FNTB: variants seen among roughly 807,000 people sequenced by gnomAD.
The protein encoded by FNTB is farnesyltransferase, CAAX box, subunit beta.
Under a neutral mutation model 59.4 loss-of-function variants are expected in FNTB, and 27 were observed. The ratio of observed to expected loss-of-function variants is 0.45; its 90% CI spans 0.34 to 0.63. FNTB has a LOEUF of 0.63. FNTB is among the 20% of genes least tolerant of loss of function. FNTB has a pLI of 0.02. For missense variants in FNTB, 449 were observed against 559.6 expected (o/e 0.80, Z 1.99); for synonymous variants, 230 against 220.7 (o/e 1.04, Z -0.37).
intron 1 of FNTB, among the ~76,000 whole-genome samples, chr14:65,002,277 G>A (rs903376017): frequency 2.0e-5 from 3 of 152,182 alleles, no homozygotes; most frequent in African/African-American, 7.2e-5. Flanking sequence ...ACCACATTGT[G>A]TCCACAACCA....
rs1259856310 is a variant in FNTB at position 65,031,618 on chromosome 14, A to C, written c.606-992A>C. Reference sequence around the variant, plus strand: ...GGCATGAGCAACTGTGCCCAGCCTAATAATGCTTTTTTAAAAAATAGCCCG... The same window carrying C: ...GGCATGAGCAACTGTGCCCAGCCTACTAATGCTTTTTTAAAAAATAGCCCG... On this transcript the variant is annotated intron_variant, in intron 6 of 11. Transcript: ENST00000246166. This position sits in a 1 kb window ranked among gnomAD's most constrained non-coding sequence, Gnocchi z 4.6. Among the ~76,000 whole-genome samples the C allele has an allele frequency of 1.3e-5, 2 of 152,054 alleles. No individual in the cohort carries two copies. The highest frequency in any genetic ancestry group is 2.9e-5 in the Non-Finnish European group (2 of 67,994).
chr14:65,024,240 G>A (rs1445871273), intron 4 of FNTB, among the ~76,000 whole-genome samples: 3 of 152,186 alleles, frequency 2.0e-5, no homozygotes, highest in East Asian at 3.9e-4. Context: ...TTGGAATCAC[G>A]TGGGGAGTTT....
At chr14:65,010,746 T>C (rs1286280479) in intron 2 of FNTB, among the ~76,000 whole-genome samples, 1 of 152,126 alleles carries the variant, frequency 6.6e-6, no homozygotes, top group East Asian at 1.9e-4. Context: ...TCCTTGTTTT[T>C]TTGTTTGTTT....
Position 65,053,362 on chromosome 14 carries a change from T to C in FNTB, c.1067+13T>C. 4 of 1,408,814 alleles carry C rather than the reference T, an allele frequency of 2.8e-6. No homozygotes were observed. Among genetic ancestry groups the C allele is most frequent in the Non-Finnish European group, 3.7e-6 (4 of 1,072,108 alleles). 87.3% of individuals were successfully genotyped at this position (1,408,814 alleles called of 1,614,324 possible). On this transcript the variant is annotated intron_variant, in intron 10 of 11. Transcript: ENST00000246166. ...ATAAACCTGGCAAGTGAGTGTTTTC[T>C]CTCTGGGGAGGGAAGGGAGAGGGGA...
In FNTB at chr14:65,061,822, G is replaced by A. The variant is rs776493649; in HGVS notation, c.*510G>A. The A allele has an allele frequency of 5.1e-5, 8 of 155,444 alleles. No individual in the cohort carries two copies. The highest frequency in any genetic ancestry group is 1.0e-4 in the Non-Finnish European group (7 of 69,774). The allele number at this position is 155,444 out of a possible 1,614,324, so 9.6% of individuals were successfully genotyped here. On this transcript the variant is annotated 3_prime_UTR_variant, in exon 12 of 12. Transcript: ENST00000246166. ...GCACCAGGAGGTGCCTCTGCCTCTC[G>A]ACTTGCACCCTGGTCATTTGTAAGG...
chr14:65,000,412 T>C (rs1054005777), intron 1 of FNTB, among the ~76,000 whole-genome samples: 3 of 152,166 alleles, frequency 2.0e-5, no homozygotes, highest in African/African-American at 7.2e-5. Flanking sequence ...TTAATGTAAG[T>C]AGAGAGTTTA....
Position 65,027,683 on chromosome 14 carries a change from T to G in FNTB, c.522-15T>G, listed in dbSNP as rs754593069. 9 of 1,614,208 alleles carry G rather than the reference T, an allele frequency of 5.6e-6. No individual in the cohort carries two copies. In the East Asian group the frequency reaches 2.0e-4, roughly 36 times the overall value. On this transcript the variant is annotated splice_polypyrimidine_tract_variant and intron_variant, in intron 5 of 11. Transcript: ENST00000246166. The surrounding 1 kb of genome is among the most constrained non-coding windows in gnomAD (Gnocchi z 5.7). ...ACTGACTGTTGCCTCTCCTACCTCT[T>G]TCCCTGTTTCTCAGAGAGAAGCTTC...
chr14:65,013,725 T>G (rs1470076778), intron 3 of FNTB, among the ~76,000 whole-genome samples: 1 of 152,138 alleles, frequency 6.6e-6, no homozygotes, highest in Non-Finnish European at 1.5e-5. Context: ...TTTTTGTATT[T>G]TTAGTAGAGA....
Position 65,012,438 on chromosome 14 carries a change from C to T in FNTB, c.282+49C>T. ...TTGCTGTCAAATTATCCACCAAATC[C>T]TCCTCCTTTTTCTATTTAAACGTAA... is the stretch of plus-strand genomic sequence containing the variant. On this transcript the variant is annotated intron_variant, in intron 3 of 11. Transcript: ENST00000246166. The surrounding 1 kb of genome is among the most constrained non-coding windows in gnomAD (Gnocchi z 5.0). The T allele has an allele frequency of 1.9e-6, 3 of 1,610,234 alleles. No individual in the cohort carries two copies. The highest frequency in any genetic ancestry group is 4.5e-5 in the East Asian group (2 of 44,800).
chr14:65,015,410 CTTTTT>C lies in FNTB; in HGVS notation c.283-195_283-191del, dbSNP rs888923691. 2.3e-3 allele frequency: 353 copies of C among 155,582 alleles called. 1 individual carries two copies. Among genetic ancestry groups the C allele is most frequent in the Admixed American group, 0.014 (170 of 11,882 alleles). 9.6% of individuals were successfully genotyped at this position (155,582 alleles called of 1,614,324 possible). ...GAACCACCGCGCCCAGCCTTGTTATCTTTTTTTTTTTTTTTTTTTTTTTTAACAGA... is the reference window on the plus strand; with the variant it reads ...GAACCACCGCGCCCAGCCTTGTTATCTTTTTTTTTTTTTTTTTTTAACAGA... On this transcript the variant is annotated intron_variant, in intron 3 of 11. Coordinates refer to ENST00000246166, the MANE Select transcript of FNTB (RefSeq NM_002028.4).
chr14:65,032,747 A>G lies in FNTB; in HGVS notation c.692+51A>G. The G allele has an allele frequency of 1.3e-6, 2 of 1,556,064 alleles. No individual in the cohort carries two copies. Among genetic ancestry groups the G allele is most frequent in the South Asian group, 1.2e-5 (1 of 85,642 alleles). ...GCCTCTTGGAGAGCAGGCGGTCACG[A>G]CACTACTTCAGAAAAATAAAGAAAA... On this transcript the variant is annotated intron_variant, in intron 7 of 11. Coordinates refer to ENST00000246166, the MANE Select transcript of FNTB (RefSeq NM_002028.4). This position sits in a 1 kb window ranked among gnomAD's most constrained non-coding sequence, Gnocchi z 5.0.
Position 65,028,326 on chromosome 14 carries a change from A to G in FNTB, c.605+545A>G, listed in dbSNP as rs929596478. Among the ~76,000 whole-genome samples, 6 of 152,208 alleles carry G rather than the reference A, an allele frequency of 3.9e-5. No homozygotes were observed. The highest frequency in any genetic ancestry group is 2.1e-4 in the South Asian group (1 of 4,828). The stretch of plus-strand genomic sequence containing the variant: ...TAGCTCGAAATTATTATTTTCTTCC[A>G]TAAGTGTCTGATGTACCAAGCAAGT... On this transcript the variant is annotated intron_variant, in intron 6 of 11. Coordinates refer to ENST00000246166, the MANE Select transcript of FNTB (RefSeq NM_002028.4). This position sits in a 1 kb window ranked among gnomAD's most constrained non-coding sequence, Gnocchi z 4.4.
At chr14:64,996,585 C>T (rs1037198976) in intron 1 of FNTB, among the ~76,000 whole-genome samples, 1 of 152,156 alleles carries the variant, frequency 6.6e-6, no homozygotes, top group African/African-American at 2.4e-5. Context: ...ACTTTGAGAA[C>T]ACAGCTTCTG....
chr14:65,048,325 TAA>T (rs59114641), intron 9 of FNTB, among the ~76,000 whole-genome samples: 1 of 145,162 alleles, frequency 6.9e-6, no homozygotes, highest in Non-Finnish European at 1.5e-5. Context: ...ACTGTGCCTT[TAA>T]AAAAAAAAAA....
chr14:65,053,096 A>G (rs1595096630), intron 9 of FNTB, 142 bp from the exon 10 acceptor site: 4 of 511,808 alleles, frequency 7.8e-6, no homozygotes, highest in Non-Finnish European at 1.2e-5. Context: ...GACATGGGGA[A>G]GATAGCAGTT....
intron 9 of FNTB, among the ~76,000 whole-genome samples, chr14:65,052,006 G>T (rs913448601): frequency 6.6e-6 from 1 of 151,702 alleles, no homozygotes; most frequent in Non-Finnish European, 1.5e-5. Context: ...CGTGTTAGCC[G>T]GGATGGTCTC....
chr14:65,002,659 AAGG>A (rs1484412209), intron 1 of FNTB, among the ~76,000 whole-genome samples: 1 of 152,048 alleles, frequency 6.6e-6, no homozygotes, highest in Non-Finnish European at 1.5e-5. Context: ...TGCAGCAGAG[AAGG>A]AGGTTTAGTC....
At chr14:64,987,183 T>A in intron 1 of FNTB, 86 bp downstream of exon 1, 1 of 1,500,492 alleles carries the variant, frequency 6.7e-7, no homozygotes, top group Non-Finnish European at 9.1e-7. Flanking sequence ...GGTGCGGAAC[T>A]CACCGGGGAA....
Position 65,027,587 on chromosome 14 carries a change from A to T in FNTB, c.509A>T (p.Asp170Val). ...ATCATTGGCACCGAGGAGGCCTATG[A>T]CATCATTAACAGGTACAGTGAAAGC... ...LCIIGTEEAY[D>V]IINREKLLQY... The change falls in exon 5 of 12, where the codon GAC becomes GTC. Residue 170 changes from aspartate (D) to valine (V), a missense_variant. Around this residue, in one of 2 missense-constraint regions of FNTB, gnomAD observed 337 missense variants for 479.1 expected, o/e 0.70. Coordinates refer to ENST00000246166, the MANE Select transcript of FNTB (RefSeq NM_002028.4). The surrounding 1 kb of genome is among the most constrained non-coding windows in gnomAD (Gnocchi z 5.7). 6.2e-7 allele frequency: 1 copy of T among 1,614,212 alleles called. No homozygotes were observed. Among genetic ancestry groups the T allele is most frequent in the Non-Finnish European group, 8.5e-7 (1 of 1,180,026 alleles).
Sources: allele counts gnomAD v4.1 joint callset (sites outside exome capture counted in the v4.1 genomes callset), GRCh38; gene constraint gnomAD v4.1.1; regional missense constraint gnomAD v4.1.1; non-coding constraint Gnocchi (gnomAD v3.1); transcripts MANE v1.5; gene names NCBI Gene and HGNC (gene_info 2026-07-23, HGNC 2026-07-21).